SIM1: variants seen among roughly 807,000 people sequenced by gnomAD.
SIM1 encodes the protein SIM bHLH transcription factor 1, also known as single-minded homolog 1.
A neutral mutation model predicts 78.2 loss-of-function variants in SIM1; 18 were observed. That is an observed-to-expected ratio of 0.23 (90% CI 0.16 to 0.34). The LOEUF is 0.34. Among genes scored for constraint, SIM1 ranks in the 10% least tolerant of loss-of-function variants. SIM1 has a pLI of 1.00. For synonymous variants in SIM1, 417 were observed against 385.2 expected (o/e 1.08, Z -0.97); for missense variants, 939 against 975.1 (o/e 0.96, Z 0.49).
chr6:100,421,861 C>G (rs972528556), intron 9 of SIM1, among the ~76,000 whole-genome samples: 3 of 152,130 alleles, frequency 2.0e-5, no homozygotes, highest in African/African-American at 7.2e-5. Context: ...GTTTTAGAGT[C>G]TTCTTTATGA....
At chr6:100,436,558 C>T (rs993792339) in intron 9 of SIM1, among the ~76,000 whole-genome samples, 1 of 152,144 alleles carries the variant, frequency 6.6e-6, no homozygotes, top group East Asian at 1.9e-4. Context: ...ACTAAAATAA[C>T]CACTGTAATA....
At chr6:100,451,354 C>T (rs187256983) in intron 3 of SIM1, among the ~76,000 whole-genome samples, 1 of 152,118 alleles carries the variant, frequency 6.6e-6, no homozygotes, top group Non-Finnish European at 1.5e-5. Flanking sequence ...GGGATAGGAC[C>T]AATCTAGTGT....
chr6:100,448,590 A>C lies in SIM1; in HGVS notation c.632T>G (p.Val211Gly). Reference protein sequence around the residue: ...FDGCYQNVGLVAVGHSLPPSA... With the variant: ...FDGCYQNVGLGAVGHSLPPSA... ...GGGAGGCAGCGAGTGGCCCACGGCC[A>C]CCAGGCCCACGTTTTGGTAGCAGCC... The change falls in exon 7 of 12, where the codon GTG becomes GGG. Residue 211 changes from valine (V) to glycine (G), a missense_variant. Physicochemically the swap from Val to Gly is moderately radical, Grantham distance 109. This residue lies in a region of SIM1 where 187 missense variants were observed against 191.6 expected (regional missense o/e 0.98). Transcript: ENST00000369208. 1.2e-6 allele frequency: 2 copies of C among 1,614,088 alleles called. No homozygotes were observed. The highest frequency in any genetic ancestry group is 1.7e-6 in the Non-Finnish European group (2 of 1,180,002).
Position 100,422,390 on chromosome 6 carries a change from G to A in SIM1, c.999-1432C>T, listed in dbSNP as rs139939279. On this transcript the variant is annotated intron_variant, in intron 9 of 11. Coordinates refer to ENST00000369208, the MANE Select transcript of SIM1 (RefSeq NM_005068.3). The stretch of plus-strand genomic sequence containing the variant: ...GGCTAATTTTTGTATTTTTAGTAGA[G>A]ACAGGGGTTTGCCATGTTGGCCAGG... Among the ~76,000 whole-genome samples, 931 of 152,180 alleles carry A rather than the reference G, an allele frequency of 6.1e-3. 11 individuals are homozygous for A. The highest frequency in any genetic ancestry group is 0.022 in the African/African-American group (900 of 41,502).
chr6:100,450,165 C>T lies in SIM1; in HGVS notation c.348+102G>A. 3 of 886,832 alleles carry T rather than the reference C, an allele frequency of 3.4e-6. No individual in the cohort carries two copies. In the Admixed American group the frequency reaches 5.3e-5, roughly 16 times the overall value. 54.9% of individuals were successfully genotyped at this position (886,832 alleles called of 1,614,324 possible). A position where few individuals can be genotyped will look rare whatever the true frequency, so the allele number is the denominator to read the frequency against. ...CTGCTAGCTGTGAGATGTCCAGCTC[C>T]AGGTTTAGAGAAGCACACCCAGCCC... On this transcript the variant is annotated intron_variant, in intron 4 of 11. Transcript: ENST00000369208.
At chr6:100,421,257 T>C (rs545837074) in intron 9 of SIM1, among the ~76,000 whole-genome samples, 3 of 152,306 alleles carry the variant, frequency 2.0e-5, no homozygotes, top group East Asian at 3.9e-4. Flanking sequence ...CTCTACAGGT[T>C]TCTTATGTGG....
At chr6:100,457,214 T>A (rs1772688051) in intron 2 of SIM1, among the ~76,000 whole-genome samples, 1 of 152,258 alleles carries the variant, frequency 6.6e-6, no homozygotes, top group South Asian at 2.1e-4. Context: ...TCTGTTCTTT[T>A]AAAATTTTTC....
intron 2 of SIM1, among the ~76,000 whole-genome samples, chr6:100,461,507 C>T (rs150983208): frequency 1.3e-4 from 20 of 152,214 alleles, no homozygotes; most frequent in Admixed American, 6.5e-5. Flanking sequence ...CCATATGCTG[C>T]TTCTGATCAA....
chr6:100,394,650 C>T (rs1222681835), intron 10 of SIM1, among the ~76,000 whole-genome samples: 1 of 152,108 alleles, frequency 6.6e-6, no homozygotes, highest in African/African-American at 2.4e-5. Context: ...AGCAATTCTC[C>T]CGCCTCAGCC....
At chr6:100,406,556 CAA>C (rs1231023842) in intron 10 of SIM1, among the ~76,000 whole-genome samples, 8 of 152,154 alleles carry the variant, frequency 5.3e-5, no homozygotes, top group African/African-American at 1.7e-4. Context: ...GGCCCTCCAC[CAA>C]GTTGAGCAAC....
At chr6:100,427,062 T>C (rs1771751352) in intron 9 of SIM1, 1 of 152,232 alleles carries the variant, frequency 6.6e-6, no homozygotes, top group Admixed American at 6.5e-5. Context: ...AACTTTTTAA[T>C]TGGATTCTAG....
rs1011971923 is a variant in SIM1 at position 100,449,358 on chromosome 6, C to G, written c.543+5G>C. ...CCACCCGGAGCGGATCTTCCAGCTA[C>G]GCACCTTGTAGCCGCCACAGGTGAG... On this transcript the variant is annotated splice_donor_5th_base_variant and intron_variant, in intron 6 of 11. Transcript: ENST00000369208. 1.2e-6 allele frequency: 2 copies of G among 1,612,626 alleles called. No homozygotes were observed. Among genetic ancestry groups the G allele is most frequent in the Admixed American group, 1.7e-5 (1 of 59,998 alleles).
At chr6:100,453,374 C>T (rs1293550850) in intron 3 of SIM1, among the ~76,000 whole-genome samples, 2 of 152,138 alleles carry the variant, frequency 1.3e-5, no homozygotes. Flanking sequence ...CCTGTTATTT[C>T]CTTTGGAAAT....
chr6:100,413,694 A>G (rs183540651), intron 10 of SIM1, among the ~76,000 whole-genome samples: 28 of 152,316 alleles, frequency 1.8e-4, no homozygotes, highest in Admixed American at 1.8e-3. Context: ...ATACCCACTT[A>G]AGTAAACAAA....
intron 4 of SIM1, 92 bp from the exon 5 acceptor site, chr6:100,449,791 G>A: frequency 1.9e-6 from 2 of 1,039,716 alleles, no homozygotes; most frequent in South Asian, 1.3e-5. Flanking sequence ...AGGACCATGA[G>A]GACAGCAGCC....
At chr6:100,401,881 C>A (rs1770924338) in intron 10 of SIM1, among the ~76,000 whole-genome samples, 2 of 152,220 alleles carry the variant, frequency 1.3e-5, no homozygotes, top group East Asian at 1.9e-4. Flanking sequence ...TTATTTCTGA[C>A]TGTTAATATT....
chr6:100,438,935 T>C (rs918004549), intron 9 of SIM1, among the ~76,000 whole-genome samples: 1 of 152,046 alleles, frequency 6.6e-6, no homozygotes, highest in South Asian at 2.1e-4. Context: ...ATAAGAATGG[T>C]ATAATGGACT....
chr6:100,455,976 G>A (rs1021851306), intron 2 of SIM1, among the ~76,000 whole-genome samples: 5 of 152,216 alleles, frequency 3.3e-5, no homozygotes, highest in African/African-American at 1.2e-4. Context: ...GGGAAAATGA[G>A]ACTTCCCCAC....
At chr6:100,432,694 T>C (rs948043497) in intron 9 of SIM1, among the ~76,000 whole-genome samples, 5 of 152,162 alleles carry the variant, frequency 3.3e-5, no homozygotes, top group Non-Finnish European at 5.9e-5. Context: ...GGATGCTTCT[T>C]TTCTATTAAC....
Sources: allele counts gnomAD v4.1 joint callset (sites outside exome capture counted in the v4.1 genomes callset), GRCh38; gene constraint gnomAD v4.1.1; regional missense constraint gnomAD v4.1.1; transcripts MANE v1.5; gene names NCBI Gene and HGNC (gene_info 2026-07-23, HGNC 2026-07-21).